Variants in ZNF114 observed in about 807,000 individuals in gnomAD.
ZNF114 encodes zinc finger protein 114.
ZNF114 carries 8 observed loss-of-function variants against 6.8 expected under a neutral mutation model. The observed-to-expected ratio is 1.18, with a 90% confidence interval of 0.69 to 2.13. ZNF114 has a LOEUF of 2.13. Ranked by LOEUF, ZNF114 falls within the 30% of genes most tolerant of loss-of-function variation. The pLI, the probability that ZNF114 is intolerant of heterozygous loss-of-function variation, is 0.00. For missense variants in ZNF114, 472 were observed against 519.5 expected (o/e 0.91, Z 0.89); for synonymous variants, 169 against 185.5 (o/e 0.91, Z 0.72).
chr19:48,281,713 C>A (rs34440835), intron 4 of ZNF114: 11,606 of 148,496 alleles, frequency 0.078, 596 homozygotes, highest in East Asian at 0.2. Flanking sequence ...TTTTTGTAGA[C>A]GGGTTGTCAC....
rs1432821006 is a variant in ZNF114, at chr19:48,286,375, A to G, written c.751A>G (p.Thr251Ala). 1 of 1,614,092 alleles carries G rather than the reference A, an allele frequency of 6.2e-7. No individual in the cohort carries two copies. The highest frequency in any genetic ancestry group is 8.5e-7 in the Non-Finnish European group (1 of 1,180,056). ...TGGTCGAGAGAAAATGTATGATTTT[A>G]CTCAGTGCGAGAACACCTCCAGAAA... The part of the protein sequence containing the change: ...THGREKMYDF[T>A]QCENTSRNNS... The change falls in exon 6 of 6, where the codon ACT becomes GCT. Residue 251 changes from threonine to alanine, a missense_variant. By Grantham distance (58) the Thr-to-Ala change is moderately conservative. Coordinates refer to ENST00000595607, the MANE Select transcript of ZNF114 (RefSeq NM_153608.4).
intron 3 of ZNF114, among the ~76,000 whole-genome samples, chr19:48,273,755 T>A: frequency 7.6e-6 from 1 of 132,190 alleles, no homozygotes; most frequent in Non-Finnish European, 1.6e-5. Flanking sequence ...AGTGGGGCTT[T>A]TCTTTTTTTT....
chr19:48,272,792 C>CT (rs1170280344), intron 3 of ZNF114, among the ~76,000 whole-genome samples: 15,886 of 83,880 alleles, frequency 0.19, 2,525 homozygotes, highest in Non-Finnish European at 0.2. Flanking sequence ...CGAGAAAGAG[C>CT]TTTTTTTTTT....
chr19:48,274,484 A>T (rs1423070355), intron 3 of ZNF114, among the ~76,000 whole-genome samples: 11 of 137,240 alleles, frequency 8.0e-5, no homozygotes, highest in East Asian at 2.1e-4. Flanking sequence ...AAAAACTTTT[A>T]TATATATATA....
In ZNF114 at chr19:48,285,958, G is replaced by T; in HGVS notation, c.334G>T (p.Ala112Ser). 1 of 1,613,984 alleles carries T rather than the reference G, an allele frequency of 6.2e-7. No homozygotes were observed. The highest frequency in any genetic ancestry group is 8.5e-7 in the Non-Finnish European group (1 of 1,180,006). Residue 112 changes from alanine to serine, a missense_variant, in exon 6 of 6, where the codon GCC (alanine) becomes TCC (serine). Coordinates refer to ENST00000595607, the MANE Select transcript of ZNF114 (RefSeq NM_153608.4). ...GVNNVKPPAV[A>S]PEKDESPVSI... ...GAATAATGTGAAGCCACCTGCAGTT[G>T]CCCCTGAGAAAGATGAATCTCCTGT...
intron 4 of ZNF114, among the ~76,000 whole-genome samples, chr19:48,281,956 G>A (rs1968004722): frequency 6.8e-6 from 1 of 147,706 alleles, no homozygotes; most frequent in Admixed American, 6.8e-5. Context: ...GAGTGCAGTG[G>A]TGTGATCTCG....
chr19:48,279,630 C>A, intron 3 of ZNF114, 101 bp from the exon 4 acceptor site: 1 of 750,368 alleles, frequency 1.3e-6, no homozygotes, highest in South Asian at 1.6e-5. Context: ...AGTGTGTGCA[C>A]ACGTGCATTT....
intron 3 of ZNF114, among the ~76,000 whole-genome samples, chr19:48,275,204 G>A (rs1967793170): frequency 7.2e-6 from 1 of 138,734 alleles, no homozygotes; most frequent in Middle Eastern, 3.6e-3. Context: ...AAAAGAGAGA[G>A]GAAGAGAGAA....
chr19:48,279,708 C>T (rs1967941848), intron 3 of ZNF114, 23 bp from the exon 4 acceptor site: 8 of 1,577,444 alleles, frequency 5.1e-6, no homozygotes, highest in African/African-American at 1.3e-5. Context: ...CCTGGATTCT[C>T]ATAGCTCCAT....
Position 48,286,146 on chromosome 19 carries a change from C to A in ZNF114, c.522C>A (p.Asn174Lys). ...LNDSQKTHEN[N>K]EDDGVLGWNI... Reference sequence around the variant, plus strand: ...ATAGTCAAAAAACACATGAAAACAACGAAGACGATGGAGTCTTGGGGTGGA... The same window carrying A: ...ATAGTCAAAAAACACATGAAAACAAAGAAGACGATGGAGTCTTGGGGTGGA... The change falls in exon 6 of 6, where the codon AAC becomes AAA. Residue 174 changes from asparagine to lysine, a missense_variant. By Grantham distance (94) the Asn-to-Lys change is moderately conservative. Coordinates refer to ENST00000595607, the MANE Select transcript of ZNF114 (RefSeq NM_153608.4). 2 of 1,614,132 alleles carry A rather than the reference C, an allele frequency of 1.2e-6. No homozygotes were observed. Among genetic ancestry groups the A allele is most frequent in the East Asian group, 4.5e-5 (2 of 44,886 alleles).
intron 5 of ZNF114, among the ~76,000 whole-genome samples, chr19:48,284,662 C>G (rs981725406): frequency 2.0e-4 from 30 of 152,206 alleles, no homozygotes; most frequent in African/African-American, 7.0e-4. Flanking sequence ...AACGCCTGAC[C>G]TCTGGTGATC....
chr19:48,274,336 T>TAAAATGTAGAATGTAG (rs1967763206), intron 3 of ZNF114, among the ~76,000 whole-genome samples: 1 of 151,642 alleles, frequency 6.6e-6, no homozygotes, highest in Admixed American at 6.6e-5. Context: ...TTGTAGATTT[T>TAAAATGTAGAATGTAG]ATGGCATTCT....
In ZNF114 at chr19:48,271,333, T is replaced by C. The variant is rs1009914596; in HGVS notation, c.-288T>C. On this transcript the variant is annotated 5_prime_UTR_variant, in exon 2 of 6. Coordinates refer to ENST00000595607, the MANE Select transcript of ZNF114 (RefSeq NM_153608.4). ...TCTCCGGAGCCCGCAAGGAGGCGCG[T>C]TGGCTGCGCAGAGAGCGCGCTTCCC... The C allele has an allele frequency of 1.3e-5, 2 of 152,276 alleles. No individual in the cohort carries two copies. The highest frequency in any genetic ancestry group is 2.4e-5 in the African/African-American group (1 of 41,432). 9.4% of individuals were successfully genotyped at this position (152,276 alleles called of 1,614,324 possible). A position where few individuals can be genotyped will look rare whatever the true frequency, so the allele number is the denominator to read the frequency against.
At chr19:48,270,682 A>G (rs757108785) in intron 1 of ZNF114, among the ~76,000 whole-genome samples, 2 of 149,796 alleles carry the variant, frequency 1.3e-5, no homozygotes, top group African/African-American at 2.5e-5. Flanking sequence ...AGAAAAAAGG[A>G]AGGAAGGAGG....
intron 1 of ZNF114, 173 bp from the exon 2 acceptor site, chr19:48,271,072 G>A (rs1967643886): frequency 6.6e-6 from 1 of 151,266 alleles, no homozygotes. Flanking sequence ...AAAAAAGAAA[G>A]AAAGAAAAGA....
intron 5 of ZNF114, 126 bp from the exon 6 acceptor site, chr19:48,285,635 C>CGAGG (rs1393316081): frequency 9.6e-7 from 1 of 1,044,778 alleles, no homozygotes; most frequent in Non-Finnish European, 1.4e-6. Context: ...ATGGAAGGAG[C>CGAGG]GAGGGAGGGA....
chr19:48,279,651 A>G, intron 3 of ZNF114, 80 bp from the exon 4 acceptor site: 2 of 969,538 alleles, frequency 2.1e-6, no homozygotes, highest in African/African-American at 1.6e-5. Flanking sequence ...ATATGCTGAG[A>G]TTAATGTCAG....
chr19:48,276,536 T>G (rs936525990), intron 3 of ZNF114, among the ~76,000 whole-genome samples: 9 of 152,170 alleles, frequency 5.9e-5, no homozygotes, highest in Non-Finnish European at 1.0e-4. Context: ...GATTTTTTTT[T>G]GTTGAGATAG....
At chr19:48,285,709 A>T in intron 5 of ZNF114, 52 bp from the exon 6 acceptor site, 3 of 1,547,386 alleles carry the variant, frequency 1.9e-6, no homozygotes, top group South Asian at 2.6e-5. Flanking sequence ...ATCATCTCTA[A>T]CCCACCTTTA....
Sources: allele counts gnomAD v4.1 joint callset (sites outside exome capture counted in the v4.1 genomes callset), GRCh38; gene constraint gnomAD v4.1.1; transcripts MANE v1.5; gene names NCBI Gene and HGNC (gene_info 2026-07-23, HGNC 2026-07-21).